Variants in INHBB observed in about 807,000 individuals in gnomAD.
INHBB encodes the protein inhibin beta B chain.
In INHBB, 8 loss-of-function variants were observed where a neutral mutation model predicts 28.9. The ratio of observed to expected loss-of-function variants is 0.28; its 90% CI spans 0.16 to 0.50. INHBB has a LOEUF of 0.50. Among genes scored for constraint, INHBB ranks in the 20% least tolerant of loss-of-function variants. INHBB has a pLI of 0.98. For synonymous variants in INHBB, 293 were observed against 262.7 expected, an observed-to-expected ratio of 1.12 and a Z score of -1.12; for missense variants, 499 against 597.8, an observed-to-expected ratio of 0.83 and a Z score of 1.72.
Position 120,346,539 on chromosome 2 carries a change from G to A in INHBB, c.351G>A (p.Glu117=), listed in dbSNP as rs757133834. ...AGCTGCACGCGGGCAAGGTGCGCGA[G>A]GACGGCCGCGTGGAGATCCCGCACC... ...LRKLHAGKVR[E]DGRVEIPHLD... is the part of the protein sequence containing the mutation. The change falls in exon 1 of 2, where the codon GAG becomes GAA. Residue 117 remains glutamate, a synonymous_variant. Transcript: ENST00000295228. 1 of 1,522,480 alleles carries A rather than the reference G, an allele frequency of 6.6e-7. No individual in the cohort carries two copies. Among genetic ancestry groups the A allele is most frequent in the Admixed American group, 2.0e-5 (1 of 49,500 alleles). 94.3% of individuals were successfully genotyped at this position (1,522,480 alleles called of 1,614,324 possible).
intron 1 of INHBB, among the ~76,000 whole-genome samples, chr2:120,348,054 A>G (rs1018299658): frequency 3.9e-5 from 6 of 152,180 alleles, no homozygotes; most frequent in Non-Finnish European, 8.8e-5. Flanking sequence ...GGTCACAGGC[A>G]GCTCGTCCAA....
Position 120,346,379 on chromosome 2 carries a change from C to G in INHBB, c.191C>G (p.Pro64Arg). ...ACGTCGTGCGGCGGCTTCCGGCGGCCAGAGGAGCTCGGCCGAGTGGACGGC... is the reference window on the plus strand; with the variant it reads ...ACGTCGTGCGGCGGCTTCCGGCGGCGAGAGGAGCTCGGCCGAGTGGACGGC... The part of the protein sequence containing the change: ...TCTSCGGFRR[P>R]EELGRVDGDF... Residue 64 changes from proline to arginine, a missense_variant, in exon 1 of 2, where the codon CCA (proline) becomes CGA (arginine). By Grantham distance (103) the Pro-to-Arg change is moderately radical. Coordinates refer to ENST00000295228, the MANE Select transcript of INHBB (RefSeq NM_002193.4). The G allele has an allele frequency of 6.6e-7, 1 of 1,516,290 alleles. No homozygotes were observed. The highest frequency in any genetic ancestry group is 8.8e-7 in the Non-Finnish European group (1 of 1,138,918). The allele number at this position is 1,516,290 out of a possible 1,614,324, so 93.9% of individuals were successfully genotyped here. A position where few individuals can be genotyped will look rare whatever the true frequency, so the allele number is the denominator to read the frequency against.
At position 120,351,381 on chromosome 2, in the gene INHBB, A is replaced by G. The variant is rs1190539240; in HGVS notation, c.*1507A>G. ...AGTCAGAAACTGCCATTTGAAAAAA[A>G]GTTATTTTTATAGCAGCAAAAAAAA... On this transcript the variant is annotated 3_prime_UTR_variant, in exon 2 of 2. Coordinates refer to ENST00000295228, the MANE Select transcript of INHBB (RefSeq NM_002193.4). 1 of 150,704 alleles carries G rather than the reference A, an allele frequency of 6.6e-6. No homozygotes were observed. The highest frequency in any genetic ancestry group is 1.5e-5 in the Non-Finnish European group (1 of 67,946). The allele number at this position is 150,704 out of a possible 1,614,324, so 9.3% of individuals were successfully genotyped here. A position where few individuals can be genotyped will look rare whatever the true frequency, so the allele number is the denominator to read the frequency against.
rs1446834054 is a variant in INHBB at position 120,351,675 on chromosome 2, GTTTATTTAAT to G, written c.*1802_*1811del. The G allele has an allele frequency of 1.3e-5, 2 of 152,178 alleles. No homozygotes were observed. The highest frequency in any genetic ancestry group is 2.9e-5 in the Non-Finnish European group (2 of 68,032). 9.4% of individuals were successfully genotyped at this position (152,178 alleles called of 1,614,324 possible). A position where few individuals can be genotyped will look rare whatever the true frequency, so the allele number is the denominator to read the frequency against. ...TGTATCCTTAAATCCTCATCTTTAT[GTTTATTTAAT>G]AAAGCTCCCCTTAGATTCTGTTTCA... On this transcript the variant is annotated 3_prime_UTR_variant, in exon 2 of 2. Coordinates refer to ENST00000295228, the MANE Select transcript of INHBB (RefSeq NM_002193.4).
chr2:120,346,242 G>C lies in INHBB; in HGVS notation c.54G>C (p.Ala18=). 8.2e-7 allele frequency: 1 copy of C among 1,226,620 alleles called. No homozygotes were observed. The highest frequency in any genetic ancestry group is 1.0e-6 in the Non-Finnish European group (1 of 984,646). 76.0% of individuals were successfully genotyped at this position (1,226,620 alleles called of 1,614,324 possible). The change falls in exon 1 of 2, where the codon GCG becomes GCC. Residue 18 remains alanine, a synonymous_variant. Coordinates refer to ENST00000295228, the MANE Select transcript of INHBB (RefSeq NM_002193.4). ...GGGCCGCCTGCCTTCTGCTGCTGGC[G>C]GCCGGCTGGCTGGGGCCTGAGGCCT... ...ALGAACLLLL[A]AGWLGPEAWG... is the part of the protein sequence containing the mutation.
rs1691262664 is a variant in INHBB at position 120,351,755 on chromosome 2, A to AGTATTGTAC, written c.*1884_*1892dup. 1 of 152,234 alleles carries AGTATTGTAC rather than the reference A, an allele frequency of 6.6e-6. No individual in the cohort carries two copies. Among genetic ancestry groups the AGTATTGTAC allele is most frequent in the East Asian group, 1.9e-4 (1 of 5,206 alleles). 9.4% of individuals were successfully genotyped at this position (152,234 alleles called of 1,614,324 possible). ...AATTTTCCCATAGACTTGCTGTTAA[A>AGTATTGTAC]GTATTGTACGTTTGTGTACAGTTTA... is the stretch of plus-strand genomic sequence containing the variant. On this transcript the variant is annotated 3_prime_UTR_variant, in exon 2 of 2. Coordinates refer to ENST00000295228, the MANE Select transcript of INHBB (RefSeq NM_002193.4).
rs1332177176 is a variant in INHBB at position 120,351,004 on chromosome 2, GC to G, written c.*1133del. The G allele has an allele frequency of 6.5e-6, 1 of 152,710 alleles. No individual in the cohort carries two copies. Among genetic ancestry groups the G allele is most frequent in the Non-Finnish European group, 1.5e-5 (1 of 68,058 alleles). 9.5% of individuals were successfully genotyped at this position (152,710 alleles called of 1,614,324 possible). On this transcript the variant is annotated 3_prime_UTR_variant, in exon 2 of 2. Transcript: ENST00000295228. ...GGCTTTCAGCTGATTTGCAGAAGTT[GC>G]CCATGTGGGCCCCAGCCATCAGGGC...
intron 1 of INHBB, among the ~76,000 whole-genome samples, chr2:120,348,828 G>A (rs1036211220): frequency 5.2e-4 from 79 of 152,178 alleles, no homozygotes; most frequent in African/African-American, 1.8e-3. Flanking sequence ...TGTCTCCAGG[G>A]AGCCCTGGCC....
In INHBB at chr2:120,346,604, G is replaced by A; in HGVS notation, c.416G>A (p.Arg139His). 1 of 1,452,688 alleles carries A rather than the reference G, an allele frequency of 6.9e-7. No individual in the cohort carries two copies. The highest frequency in any genetic ancestry group is 2.6e-5 in the Admixed American group (1 of 38,174). The allele number at this position is 1,452,688 out of a possible 1,614,324, so 90.0% of individuals were successfully genotyped here. ...HASPGADGQE[R>H]VSEIISFAET... The stretch of plus-strand genomic sequence containing the variant: ...AGCCCGGGCGCCGACGGCCAGGAGC[G>A]CGTTTCCGAAATCATCAGCTTCGCC... Residue 139 changes from arginine (R) to histidine (H), a missense_variant, in exon 1 of 2, where the codon CGC becomes CAC. By Grantham distance (29) the Arg-to-His change is conservative. Around this residue, in one of 2 missense-constraint regions of INHBB, gnomAD observed 385 missense variants for 415.2 expected, o/e 0.93. Coordinates refer to ENST00000295228, the MANE Select transcript of INHBB (RefSeq NM_002193.4).
intron 1 of INHBB, 117 bp downstream of exon 1, chr2:120,346,753 G>T (rs1691163676): frequency 9.3e-7 from 1 of 1,078,278 alleles, no homozygotes; most frequent in South Asian, 2.1e-5. Flanking sequence ...GGGCAGCCTG[G>T]ACTCCCGGCA....
chr2:120,350,162 C>G lies in INHBB; in HGVS notation c.*288C>G. 2.4e-6 allele frequency: 1 copy of G among 413,666 alleles called. No individual in the cohort carries two copies. The highest frequency in any genetic ancestry group is 3.9e-5 in the South Asian group (1 of 25,352). 25.6% of individuals were successfully genotyped at this position (413,666 alleles called of 1,614,324 possible). A position where few individuals can be genotyped will look rare whatever the true frequency, so the allele number is the denominator to read the frequency against. ...CACACAGCAGCCTCCAGGATACCAGCAAATGGATGCGGTGACAAATGGCAG... is the reference window on the plus strand; with the variant it reads ...CACACAGCAGCCTCCAGGATACCAGGAAATGGATGCGGTGACAAATGGCAG... On this transcript the variant is annotated 3_prime_UTR_variant, in exon 2 of 2. Transcript: ENST00000295228.
chr2:120,346,725 C>T (rs982501493), intron 1 of INHBB, 89 bp downstream of exon 1: 2 of 1,272,898 alleles, frequency 1.6e-6, no homozygotes, highest in East Asian at 3.2e-5. Context: ...CCGCCGCCAC[C>T]GCAGCCCGCG....
Position 120,350,039 on chromosome 2 carries a change from T to G in INHBB, c.*165T>G, listed in dbSNP as rs1404593714. On this transcript the variant is annotated 3_prime_UTR_variant, in exon 2 of 2. Transcript: ENST00000295228. The stretch of plus-strand genomic sequence containing the variant: ...CCTGAGATATTTTTCTACAGCTTCA[T>G]AGAGCAACCAGTCAAAACCAGAGCG... 1.5e-6 allele frequency: 1 copy of G among 674,142 alleles called. No homozygotes were observed. The highest frequency in any genetic ancestry group is 1.8e-5 in the African/African-American group (1 of 55,176). 41.8% of individuals were successfully genotyped at this position (674,142 alleles called of 1,614,324 possible). A position where few individuals can be genotyped will look rare whatever the true frequency, so the allele number is the denominator to read the frequency against.
At chr2:120,347,756 A>G (rs1318521244) in intron 1 of INHBB, among the ~76,000 whole-genome samples, 1 of 152,132 alleles carries the variant, frequency 6.6e-6, no homozygotes, top group African/African-American at 2.4e-5. Context: ...AAGGGATGAA[A>G]AGTTTTGCAT....
At chr2:120,347,279 A>G (rs1691173981) in intron 1 of INHBB, among the ~76,000 whole-genome samples, 1 of 152,144 alleles carries the variant, frequency 6.6e-6, no homozygotes, top group South Asian at 2.1e-4. Context: ...TACACAGAGA[A>G]AGCCGCGGTT....
chr2:120,348,790 TTCTG>T (rs1691206298), intron 1 of INHBB, among the ~76,000 whole-genome samples: 1 of 152,152 alleles, frequency 6.6e-6, no homozygotes, highest in South Asian at 2.1e-4. Context: ...TGACAAGTTC[TTCTG>T]TTGTGCTTTG....
Position 120,351,000 on chromosome 2 carries a change from A to T in INHBB, c.*1126A>T, listed in dbSNP as rs1691248706. ...GGAAGGCTTTCAGCTGATTTGCAGAAGTTGCCCATGTGGGCCCCAGCCATC... is the reference window on the plus strand; with the variant it reads ...GGAAGGCTTTCAGCTGATTTGCAGATGTTGCCCATGTGGGCCCCAGCCATC... On this transcript the variant is annotated 3_prime_UTR_variant, in exon 2 of 2. Coordinates refer to ENST00000295228, the MANE Select transcript of INHBB (RefSeq NM_002193.4). 1 of 152,750 alleles carries T rather than the reference A, an allele frequency of 6.5e-6. No individual in the cohort carries two copies. The highest frequency in any genetic ancestry group is 2.1e-4 in the South Asian group (1 of 4,842). The allele number at this position is 152,750 out of a possible 1,614,324, so 9.5% of individuals were successfully genotyped here.
chr2:120,351,091 C>G lies in INHBB; in HGVS notation c.*1217C>G, dbSNP rs1691250366. On this transcript the variant is annotated 3_prime_UTR_variant, in exon 2 of 2. Transcript: ENST00000295228. ...CGCCTGCCCGCCCGCCCGCATAGCA[C>G]TTGCAGACCTGCCTGAACGCACATG... 1 of 152,784 alleles carries G rather than the reference C, an allele frequency of 6.5e-6. No individual in the cohort carries two copies. Among genetic ancestry groups the G allele is most frequent in the Non-Finnish European group, 1.5e-5 (1 of 68,096 alleles). 9.5% of individuals were successfully genotyped at this position (152,784 alleles called of 1,614,324 possible). A position where few individuals can be genotyped will look rare whatever the true frequency, so the allele number is the denominator to read the frequency against.
In INHBB at chr2:120,350,162, C is replaced by A; in HGVS notation, c.*288C>A. The A allele has an allele frequency of 2.4e-6, 1 of 413,666 alleles. No homozygotes were observed. The highest frequency in any genetic ancestry group is 4.4e-6 in the Non-Finnish European group (1 of 229,336). 25.6% of individuals were successfully genotyped at this position (413,666 alleles called of 1,614,324 possible). A position where few individuals can be genotyped will look rare whatever the true frequency, so the allele number is the denominator to read the frequency against. On this transcript the variant is annotated 3_prime_UTR_variant, in exon 2 of 2. Coordinates refer to ENST00000295228, the MANE Select transcript of INHBB (RefSeq NM_002193.4). ...CACACAGCAGCCTCCAGGATACCAG[C>A]AAATGGATGCGGTGACAAATGGCAG...
Sources: gnomAD v4.1 joint callset for allele counts (sites outside exome capture counted in the v4.1 genomes callset) on GRCh38, gnomAD v4.1.1 for gene constraint, gnomAD v4.1.1 regional missense constraint, MANE v1.5 for transcripts, NCBI Gene and HGNC (gene_info 2026-07-23, HGNC 2026-07-21) for gene names.